LAMA2: variants seen among roughly 807,000 people sequenced by gnomAD.
The protein encoded by LAMA2 is laminin subunit alpha 2, also known as laminin subunit alpha-2.
LAMA2 carries 269 observed loss-of-function variants against 364.8 expected under a neutral mutation model. The ratio of observed to expected loss-of-function variants is 0.74; its 90% CI spans 0.67 to 0.82. The LOEUF is 0.82. LAMA2 is among the 40% of genes least tolerant of loss of function. The pLI is 0.00. For synonymous variants in LAMA2, 1,379 were observed against 1,370.6 expected (o/e 1.01, Z -0.14); for missense variants, 3,807 against 3,873.2 (o/e 0.98, Z 0.45).
chr6:129,061,479 G>C (rs764869235), intron 3 of LAMA2, among the ~76,000 whole-genome samples: 1 of 152,090 alleles, frequency 6.6e-6, no homozygotes, highest in South Asian at 2.1e-4. Flanking sequence ...TTTACAACTG[G>C]ATGGCGCAAC....
intron 1 of LAMA2, chr6:128,929,357 C>T: frequency 9.4e-7 from 1 of 1,063,032 alleles, no homozygotes; most frequent in Non-Finnish European, 1.5e-6. Flanking sequence ...GGTGAGACCT[C>T]GAGAGAATAC....
chr6:129,462,255 T>G (rs917755017), intron 49 of LAMA2, among the ~76,000 whole-genome samples: 1 of 151,166 alleles, frequency 6.6e-6, no homozygotes, highest in Non-Finnish European at 1.5e-5. Context: ...CATAATCATG[T>G]TTTTTTTTCT....
At chr6:129,206,428 A>G (rs1782681519) in intron 12 of LAMA2, among the ~76,000 whole-genome samples, 1 of 152,234 alleles carries the variant, frequency 6.6e-6, no homozygotes, top group South Asian at 2.1e-4. Flanking sequence ...AATCTATTAC[A>G]AACTATTGCT....
At chr6:129,147,153 C>T (rs926262283) in intron 6 of LAMA2, 105 bp downstream of exon 6, 2 of 781,352 alleles carry the variant, frequency 2.6e-6, no homozygotes, top group East Asian at 2.5e-5. Context: ...AGTCAGGTCC[C>T]CACTTAGACA....
intron 60 of LAMA2, 152 bp downstream of exon 60, chr6:129,503,432 C>A: frequency 1.3e-6 from 1 of 751,712 alleles, no homozygotes. Flanking sequence ...CTACCACAAT[C>A]TTGGAAAATG....
intron 2 of LAMA2, among the ~76,000 whole-genome samples, chr6:129,053,079 T>C (rs1710493414): frequency 6.6e-6 from 1 of 152,162 alleles, no homozygotes; most frequent in South Asian, 2.1e-4. Flanking sequence ...TTGTTTTGTT[T>C]TGTTTTGTTT....
chr6:129,356,870 CT>C (rs1777180905), intron 32 of LAMA2, among the ~76,000 whole-genome samples: 1 of 152,014 alleles, frequency 6.6e-6, no homozygotes, highest in East Asian at 1.9e-4. Context: ...TGGTAGATTC[CT>C]TTTCATCAGA....
intron 1 of LAMA2, among the ~76,000 whole-genome samples, chr6:128,945,393 A>G (rs935955071): frequency 1.3e-5 from 2 of 152,130 alleles, no homozygotes; most frequent in African/African-American, 4.8e-5. Flanking sequence ...CTGCTAATCC[A>G]TCTGATCTGT....
intron 1 of LAMA2, among the ~76,000 whole-genome samples, chr6:128,982,665 G>A (rs561716577): frequency 3.3e-3 from 502 of 151,174 alleles, no homozygotes; most frequent in Non-Finnish European, 4.9e-3. Flanking sequence ...GTGCAGGTTA[G>A]TTACATATGT....
At chr6:129,367,451 A>G (rs1001750880) in intron 33 of LAMA2, among the ~76,000 whole-genome samples, 1 of 152,224 alleles carries the variant, frequency 6.6e-6, no homozygotes, top group African/African-American at 2.4e-5. Context: ...AAACATTCAA[A>G]GTACATTAGC....
chr6:129,463,736 G>A (rs905416902), intron 49 of LAMA2, among the ~76,000 whole-genome samples: 6 of 151,924 alleles, frequency 3.9e-5, no homozygotes, highest in Admixed American at 3.9e-4. Context: ...TGTATTGTAT[G>A]TACTAGATGT....
chr6:129,413,045 C>T (rs1252529365), intron 40 of LAMA2, among the ~76,000 whole-genome samples: 2 of 152,114 alleles, frequency 1.3e-5, no homozygotes, highest in African/African-American at 2.4e-5. Flanking sequence ...CAAAGGGATT[C>T]GTCTATGTAT....
intron 40 of LAMA2, 49 bp from the exon 41 acceptor site, chr6:129,427,703 C>A: frequency 7.3e-7 from 1 of 1,363,726 alleles, no homozygotes; most frequent in South Asian, 1.2e-5. Context: ...TCCCTCCACT[C>A]CATTATTCTA....
At chr6:129,377,123 C>T (rs752622821) in intron 34 of LAMA2, among the ~76,000 whole-genome samples, 6 of 152,022 alleles carry the variant, frequency 3.9e-5, no homozygotes, top group Non-Finnish European at 7.4e-5. Flanking sequence ...CATTGATAAA[C>T]ACCTCTTAAC....
intron 1 of LAMA2, among the ~76,000 whole-genome samples, chr6:128,885,155 T>A (rs1562798355): frequency 6.6e-6 from 1 of 152,198 alleles, no homozygotes; most frequent in South Asian, 2.1e-4. Context: ...TAGGCTGCTA[T>A]AATCTGCATT....
chr6:128,909,063 G>T (rs1298070942), intron 1 of LAMA2, among the ~76,000 whole-genome samples: 1 of 148,828 alleles, frequency 6.7e-6, no homozygotes, highest in African/African-American at 2.5e-5. Flanking sequence ...CAAGTATGTG[G>T]TCAATTTTGG....
chr6:128,927,415 C>T (rs1779166533), intron 1 of LAMA2, among the ~76,000 whole-genome samples: 1 of 152,176 alleles, frequency 6.6e-6, no homozygotes, highest in Non-Finnish European at 1.5e-5. Context: ...TCAGTCTCAT[C>T]TAGGCACACA....
intron 49 of LAMA2, among the ~76,000 whole-genome samples, chr6:129,463,681 C>A (rs889084652): frequency 3.0e-4 from 46 of 151,968 alleles, no homozygotes; most frequent in African/African-American, 1.0e-3. Flanking sequence ...ATACTAAAAT[C>A]TTTGTCATCC....
Position 129,287,973 on chromosome 6 carries a change from A to G in LAMA2, c.2664A>G (p.Ile888Met). ...SCDSLSGSCL[I>M]CKPGTTGRYC... ...ACAGCTTGTCTGGCTCCTGTCTGAT[A>G]TGTAAACCAGGTACAACAGGCCGGT... Residue 888 changes from isoleucine to methionine, a missense_variant, in exon 19 of 65, where the codon ATA (isoleucine) becomes ATG (methionine). Ile to Met is a conservative substitution (Grantham distance 10). This residue lies in a region of LAMA2 where 3,333 missense variants were observed against 3,345.7 expected (regional missense o/e 1.00). Transcript: ENST00000421865. 4 of 1,614,132 alleles carry G rather than the reference A, an allele frequency of 2.5e-6. No homozygotes were observed. Among genetic ancestry groups the G allele is most frequent in the Non-Finnish European group, 3.4e-6 (4 of 1,179,982 alleles).
Sources: gnomAD v4.1 joint callset for allele counts (sites outside exome capture counted in the v4.1 genomes callset) on GRCh38, gnomAD v4.1.1 for gene constraint, gnomAD v4.1.1 regional missense constraint, MANE v1.5 for transcripts, NCBI Gene and HGNC (gene_info 2026-07-23, HGNC 2026-07-21) for gene names.